Variants in AKAP19 observed in about 807,000 individuals in gnomAD.
AKAP19 encodes small A-kinase anchoring protein.
chr2:190,190,364 T>C, the AKAP19 span, among the ~76,000 whole-genome samples: 3 of 152,354 alleles, frequency 2.0e-5, no homozygotes, highest in East Asian at 3.9e-4. Flanking sequence ...TCCATGTGGT[T>C]TGACATACCA....
the AKAP19 span, among the ~76,000 whole-genome samples, chr2:190,199,196 G>A: frequency 3.3e-5 from 5 of 152,168 alleles, no homozygotes; most frequent in Non-Finnish European, 5.9e-5. Context: ...TGACAGTATA[G>A]ATCAGGACTC....
the AKAP19 span, chr2:190,062,706 A>G: frequency 1.0e-6 from 1 of 965,344 alleles, no homozygotes. Context: ...AGTCTGAGAG[A>G]CAACTTGCCA....
At chr2:189,889,982 G>T in the AKAP19 span, among the ~76,000 whole-genome samples, 1 of 152,052 alleles carries the variant, frequency 6.6e-6, no homozygotes. Context: ...GAATTTGTTT[G>T]CTCTTGCTTC....
chr2:189,932,902 G>A, the AKAP19 span, among the ~76,000 whole-genome samples: 1 of 151,948 alleles, frequency 6.6e-6, no homozygotes, highest in East Asian at 1.9e-4. Flanking sequence ...TATCAACTGA[G>A]TATCTTAAAG....
chr2:190,199,561 A>G, the AKAP19 span: 1 of 322,634 alleles, frequency 3.1e-6, no homozygotes. Flanking sequence ...TCTTCTACTG[A>G]TAAGATAAAG....
chr2:190,111,216 G>C, the AKAP19 span, among the ~76,000 whole-genome samples: 1 of 152,128 alleles, frequency 6.6e-6, no homozygotes, highest in African/African-American at 2.4e-5. Flanking sequence ...AGGTGCCCCA[G>C]ATATCACATG....
At chr2:190,049,240 G>T in the AKAP19 span, among the ~76,000 whole-genome samples, 1 of 151,972 alleles carries the variant, frequency 6.6e-6, no homozygotes, top group East Asian at 1.9e-4. Context: ...AAAAATGAGT[G>T]AAGGATAAAA....
the AKAP19 span, among the ~76,000 whole-genome samples, chr2:189,938,737 A>G: frequency 6.6e-6 from 1 of 152,238 alleles, no homozygotes; most frequent in African/African-American, 2.4e-5. Context: ...TATAACACAA[A>G]GGATAAATGC....
chr2:189,927,880 T>C, the AKAP19 span, among the ~76,000 whole-genome samples: 1 of 152,204 alleles, frequency 6.6e-6, no homozygotes, highest in South Asian at 2.1e-4. Context: ...GGTTATTGTA[T>C]TGGAGAGCAT....
At chr2:190,119,779 G>GA in the AKAP19 span, among the ~76,000 whole-genome samples, 5 of 151,854 alleles carry the variant, frequency 3.3e-5, no homozygotes, top group Admixed American at 1.3e-4. Flanking sequence ...GTGACATTCT[G>GA]AAAAAAACAG....
chr2:189,921,502 G>T, the AKAP19 span, among the ~76,000 whole-genome samples: 1 of 152,094 alleles, frequency 6.6e-6, no homozygotes, highest in African/African-American at 2.4e-5. Flanking sequence ...TAGGAGGTGA[G>T]GGATTAAAGG....
At chr2:189,975,253 T>G in the AKAP19 span, among the ~76,000 whole-genome samples, 1 of 152,230 alleles carries the variant, frequency 6.6e-6, no homozygotes, top group Non-Finnish European at 1.5e-5. Context: ...TTAGTTTGGC[T>G]GGATATGAAA....
the AKAP19 span, among the ~76,000 whole-genome samples, chr2:189,977,647 A>G: frequency 2.0e-5 from 3 of 152,208 alleles, no homozygotes; most frequent in Non-Finnish European, 2.9e-5. Flanking sequence ...ACATGTTTCT[A>G]AATGATATTT....
the AKAP19 span, chr2:190,060,327 C>A: frequency 3.3e-5 from 53 of 1,612,746 alleles, no homozygotes; most frequent in Non-Finnish European, 4.2e-5. Context: ...CTCGACGGGT[C>A]TCAAATATAT....
chr2:190,197,711 C>A, the AKAP19 span, among the ~76,000 whole-genome samples: 10 of 152,178 alleles, frequency 6.6e-5, no homozygotes, highest in African/African-American at 2.4e-4. The surrounding 1 kb of genome is among the most constrained non-coding windows in gnomAD (Gnocchi z 4.0). Flanking sequence ...TTGCTTGTTG[C>A]TCTATGCCTG....
chr2:189,896,858 CAT>C, the AKAP19 span, among the ~76,000 whole-genome samples: 2 of 151,960 alleles, frequency 1.3e-5, no homozygotes, highest in East Asian at 3.8e-4. Flanking sequence ...AAAAGAAGCA[CAT>C]GATATGTCAG....
At chr2:190,066,595 A>G in the AKAP19 span, among the ~76,000 whole-genome samples, 51 of 152,332 alleles carry the variant, frequency 3.3e-4, 1 homozygote, top group South Asian at 9.7e-3. Context: ...CTCACTTAAC[A>G]TCATGAGAAG....
chr2:189,958,290 C>A, the AKAP19 span, among the ~76,000 whole-genome samples: 1 of 151,962 alleles, frequency 6.6e-6, no homozygotes. Context: ...AAATACTCAA[C>A]CTCACTGTAA....
At chr2:189,984,329 C>T in the AKAP19 span, among the ~76,000 whole-genome samples, 6 of 152,186 alleles carry the variant, frequency 3.9e-5, no homozygotes, top group Admixed American at 3.9e-4. Context: ...CATTCTCTTT[C>T]TCAGGGACGT....
Sources: allele counts gnomAD v4.1 joint callset (sites outside exome capture counted in the v4.1 genomes callset), GRCh38; gene constraint gnomAD v4.1.1; non-coding constraint Gnocchi (gnomAD v3.1); transcripts MANE v1.5; gene names NCBI Gene and HGNC (gene_info 2026-07-23, HGNC 2026-07-21).